Variants in SLC2A13 observed in about 807,000 individuals in gnomAD.
The protein encoded by SLC2A13 is solute carrier family 2 member 13.
In SLC2A13, 32 loss-of-function variants were observed where a neutral mutation model predicts 64.4. That is an observed-to-expected ratio of 0.50 (90% CI 0.37 to 0.67). The LOEUF (loss-of-function observed/expected upper bound fraction) is 0.67, where lower values mean the gene tolerates loss of function less well. Ranked by LOEUF, SLC2A13 falls within the 30% of genes least tolerant of loss-of-function variation. SLC2A13 has a pLI of 0.00. For synonymous variants in SLC2A13, 338 were observed against 327.1 expected, an observed-to-expected ratio of 1.03 and a Z score of -0.36; for missense variants, 743 against 829.2, an observed-to-expected ratio of 0.90 and a Z score of 1.28.
intron 4 of SLC2A13, among the ~76,000 whole-genome samples, chr12:39,888,776 A>T (rs1316083601): frequency 1.3e-5 from 2 of 152,202 alleles, no homozygotes; most frequent in Admixed American, 6.5e-5. Flanking sequence ...TGAAATTCTC[A>T]CAAGTAACCA....
chr12:39,812,361 TC>T (rs1942193348), intron 7 of SLC2A13, among the ~76,000 whole-genome samples: 3 of 146,052 alleles, frequency 2.1e-5, no homozygotes, highest in Non-Finnish European at 4.5e-5. Context: ...TCTTTTCTTT[TC>T]TTTTCTTTTC....
intron 3 of SLC2A13, among the ~76,000 whole-genome samples, chr12:39,963,997 G>T (rs1297244954): frequency 6.6e-6 from 1 of 152,048 alleles, no homozygotes; most frequent in Non-Finnish European, 1.5e-5. Context: ...AATTGAAATT[G>T]TCCCCCAGAT....
At chr12:39,891,921 T>C (rs1200818968) in intron 4 of SLC2A13, among the ~76,000 whole-genome samples, 5 of 152,242 alleles carry the variant, frequency 3.3e-5, no homozygotes, top group Non-Finnish European at 2.9e-5. Flanking sequence ...AAAAAAATTA[T>C]TGATACCATA....
intron 3 of SLC2A13, among the ~76,000 whole-genome samples, chr12:39,981,054 C>T (rs1946883625): frequency 6.6e-6 from 1 of 151,960 alleles, no homozygotes. Context: ...GGAAACTGAA[C>T]AGCCTGCTCC....
At chr12:40,049,311 A>G (rs1948216670) in intron 1 of SLC2A13, among the ~76,000 whole-genome samples, 1 of 152,122 alleles carries the variant, frequency 6.6e-6, no homozygotes, top group Non-Finnish European at 1.5e-5. Context: ...AAATGAATAA[A>G]ACAGATCTAT....
chr12:39,776,027 C>T (rs745551194), intron 7 of SLC2A13, among the ~76,000 whole-genome samples: 1 of 152,280 alleles, frequency 6.6e-6, no homozygotes. Flanking sequence ...GTAGTTGTGA[C>T]AGTATTAATT....
intron 3 of SLC2A13, among the ~76,000 whole-genome samples, chr12:40,009,481 TAC>T (rs757385604): frequency 6.6e-6 from 1 of 152,152 alleles, no homozygotes; most frequent in Non-Finnish European, 1.5e-5. Context: ...TAGGCTGGAG[TAC>T]AGTGGCAATG....
chr12:39,832,727 T>C (rs1015630948), intron 6 of SLC2A13, among the ~76,000 whole-genome samples: 5 of 151,550 alleles, frequency 3.3e-5, no homozygotes, highest in Middle Eastern at 6.8e-3. Flanking sequence ...TATTATCAGT[T>C]TTCTCCTTTC....
chr12:39,985,120 T>A (rs183398401), intron 3 of SLC2A13, among the ~76,000 whole-genome samples: 57 of 152,230 alleles, frequency 3.7e-4, no homozygotes, highest in African/African-American at 1.3e-3. Context: ...ATGTTCACAA[T>A]CTGGAAAATT....
intron 3 of SLC2A13, among the ~76,000 whole-genome samples, chr12:40,020,734 T>A (rs1947700929): frequency 6.6e-6 from 1 of 152,112 alleles, no homozygotes; most frequent in African/African-American, 2.4e-5. Context: ...TCTACAAAGA[T>A]CAGGTAACCT....
rs1939969962 is a variant in SLC2A13 at position 39,756,394 on chromosome 12, AG to A, written c.*3631del. The A allele has an allele frequency of 1.3e-5, 2 of 150,820 alleles. No individual in the cohort carries two copies. Among genetic ancestry groups the A allele is most frequent in the Admixed American group, 1.3e-4 (2 of 14,974 alleles). The allele number at this position is 150,820 out of a possible 1,614,324, so 9.3% of individuals were successfully genotyped here. A position where few individuals can be genotyped will look rare whatever the true frequency, so the allele number is the denominator to read the frequency against. On this transcript the variant is annotated 3_prime_UTR_variant, in exon 10 of 10. Transcript: ENST00000280871. Reference sequence around the variant, plus strand: ...AATAAAAGTCAGTTGTTAGGTACTTAGTATAAGTTGACATTTTATAACTTGC... The same window carrying A: ...AATAAAAGTCAGTTGTTAGGTACTTATATAAGTTGACATTTTATAACTTGC...
intron 6 of SLC2A13, among the ~76,000 whole-genome samples, chr12:39,863,793 A>G (rs1943830503): frequency 1.3e-5 from 2 of 152,172 alleles, no homozygotes; most frequent in Admixed American, 6.5e-5. Flanking sequence ...TGGAACCAAT[A>G]TATCTTCCTC....
At chr12:39,915,278 A>G (rs1364028469) in intron 4 of SLC2A13, among the ~76,000 whole-genome samples, 1 of 152,064 alleles carries the variant, frequency 6.6e-6, no homozygotes, top group African/African-American at 2.4e-5. Flanking sequence ...CATTGCTAAT[A>G]TCAAATTTTC....
Position 39,894,471 on chromosome 12 carries a change from G to C in SLC2A13, c.1035-22510C>G, listed in dbSNP as rs117957562. 7.2e-3 allele frequency among the ~76,000 whole-genome samples: 1,101 copies of C among 152,132 alleles called. 6 individuals carry two copies. The highest frequency in any genetic ancestry group is 0.011 in the Non-Finnish European group (776 of 68,000). On this transcript the variant is annotated intron_variant, in intron 4 of 9. Transcript: ENST00000280871. ...TAAAAGGACTTACTCAATATAAAGA[G>C]AATAACAAACAGGGATAAAATTAGC...
intron 1 of SLC2A13, among the ~76,000 whole-genome samples, chr12:40,100,124 T>C (rs999955314): frequency 1.3e-5 from 2 of 152,200 alleles, no homozygotes; most frequent in African/African-American, 4.8e-5. Flanking sequence ...TTTAAAAGTA[T>C]TACTCAACAG....
chr12:39,896,485 T>G (rs531547640), intron 4 of SLC2A13, among the ~76,000 whole-genome samples: 2 of 148,202 alleles, frequency 1.3e-5, no homozygotes, highest in South Asian at 4.2e-4. Flanking sequence ...TATATGTGTA[T>G]ATATGTACAC....
At chr12:40,003,895 A>G (rs1316391096) in intron 3 of SLC2A13, among the ~76,000 whole-genome samples, 1 of 151,944 alleles carries the variant, frequency 6.6e-6, no homozygotes. Flanking sequence ...TGGGAGGCTG[A>G]GGAAGGAGAA....
intron 2 of SLC2A13, among the ~76,000 whole-genome samples, chr12:40,041,801 C>T (rs1948094399): frequency 1.3e-5 from 2 of 152,186 alleles, no homozygotes; most frequent in East Asian, 1.9e-4. Context: ...GCATCACTGC[C>T]GTAGTGATCT....
intron 6 of SLC2A13, among the ~76,000 whole-genome samples, chr12:39,840,250 G>A (rs537724739): frequency 5.5e-4 from 84 of 151,760 alleles, no homozygotes; most frequent in African/African-American, 2.0e-3. Flanking sequence ...CAGCCACCAC[G>A]CCCAGCCTTG....
Sources: gnomAD v4.1 joint callset for allele counts (sites outside exome capture counted in the v4.1 genomes callset) on GRCh38, gnomAD v4.1.1 for gene constraint, MANE v1.5 for transcripts, NCBI Gene and HGNC (gene_info 2026-07-23, HGNC 2026-07-21) for gene names.